Variants in TNFRSF19 observed in about 807,000 individuals in gnomAD.
TNFRSF19 encodes the protein TNF receptor superfamily member 19.
Under a neutral mutation model 46.4 loss-of-function variants are expected in TNFRSF19, and 27 were observed. That is an observed-to-expected ratio of 0.58 (90% CI 0.43 to 0.80). The LOEUF is 0.80. Ranked by LOEUF, TNFRSF19 falls within the 30% of genes least tolerant of loss-of-function variation. The probability of loss-of-function intolerance (pLI) is 0.00; values close to 1 mark genes in which losing one functional copy is unlikely to be tolerated. For missense variants in TNFRSF19, 511 were observed against 530.8 expected, an observed-to-expected ratio of 0.96 and a Z score of 0.37; for synonymous variants, 204 against 205.0, an observed-to-expected ratio of 1.00 and a Z score of 0.04.
At chr13:23,638,828 C>T (rs1186864394) in intron 5 of TNFRSF19, among the ~76,000 whole-genome samples, 1 of 152,168 alleles carries the variant, frequency 6.6e-6, no homozygotes, top group Non-Finnish European at 1.5e-5. Context: ...GGGTTCCTGT[C>T]CCTGGGCTGC....
chr13:23,607,076 G>A (rs571580165), intron 3 of TNFRSF19, among the ~76,000 whole-genome samples: 6 of 152,116 alleles, frequency 3.9e-5, no homozygotes, highest in African/African-American at 7.2e-5. Flanking sequence ...CTAAGACTAA[G>A]CTTTAAATTT....
chr13:23,661,917 T>C (rs1041639347), intron 7 of TNFRSF19, among the ~76,000 whole-genome samples: 6 of 152,234 alleles, frequency 3.9e-5, no homozygotes, highest in Admixed American at 3.3e-4. Flanking sequence ...TTAAGTTCCT[T>C]ATAGATGCTG....
chr13:23,637,803 C>T (rs1264679849), intron 5 of TNFRSF19, among the ~76,000 whole-genome samples: 1 of 152,266 alleles, frequency 6.6e-6, no homozygotes, highest in South Asian at 2.1e-4. Flanking sequence ...CTCACAGGAT[C>T]AGGGTCCGCA....
At chr13:23,637,444 G>T (rs768640726) in intron 5 of TNFRSF19, among the ~76,000 whole-genome samples, 1 of 150,564 alleles carries the variant, frequency 6.6e-6, no homozygotes, top group Non-Finnish European at 1.5e-5. Flanking sequence ...GTCCTGAATC[G>T]ACTTCCTGTT....
intron 5 of TNFRSF19, among the ~76,000 whole-genome samples, chr13:23,630,266 G>A (rs961003993): frequency 7.2e-6 from 1 of 138,704 alleles, no homozygotes; most frequent in Non-Finnish European, 1.5e-5. Flanking sequence ...TTGTGCCACT[G>A]CACTCCAGCC....
chr13:23,657,476 C>CACAT (rs1173514638), intron 5 of TNFRSF19, among the ~76,000 whole-genome samples: 1 of 152,124 alleles, frequency 6.6e-6, no homozygotes, highest in Non-Finnish European at 1.5e-5. Flanking sequence ...AGCCATTAGC[C>CACAT]ACATGTGGCT....
intron 5 of TNFRSF19, among the ~76,000 whole-genome samples, chr13:23,639,900 G>A (rs534504832): frequency 1.3e-5 from 2 of 152,338 alleles, no homozygotes; most frequent in Admixed American, 6.5e-5. Flanking sequence ...AGGACTTATT[G>A]TTGCAGTCAG....
At chr13:23,656,150 T>G (rs1883972349) in intron 5 of TNFRSF19, among the ~76,000 whole-genome samples, 1 of 152,206 alleles carries the variant, frequency 6.6e-6, no homozygotes, top group African/African-American at 2.4e-5. Context: ...ATATTTTTCT[T>G]GTTCATCTTT....
In TNFRSF19 at chr13:23,654,832, C is replaced by T. The variant is rs79621348; in HGVS notation, c.446-4218C>T. Among the ~76,000 whole-genome samples, 1,223 of 152,236 alleles carry T rather than the reference C, an allele frequency of 8.0e-3. 17 individuals are homozygous for T. Among genetic ancestry groups the T allele is most frequent in the African/African-American group, 0.028 (1,149 of 41,534 alleles). ...GTATCAAATGAAGCTCATCAATGAA[C>T]GCTCACCACTTTACCTAGTGAGGAG... On this transcript the variant is annotated intron_variant, in intron 5 of 9. Coordinates refer to ENST00000248484, the MANE Select transcript of TNFRSF19 (RefSeq NM_148957.4).
At chr13:23,631,430 C>T (rs1449919054) in intron 5 of TNFRSF19, among the ~76,000 whole-genome samples, 1 of 152,110 alleles carries the variant, frequency 6.6e-6, no homozygotes, top group Non-Finnish European at 1.5e-5. Context: ...AATGACTTGT[C>T]TGGGTAAAGT....
At chr13:23,625,125 A>G (rs1881911003) in intron 4 of TNFRSF19, among the ~76,000 whole-genome samples, 1 of 152,164 alleles carries the variant, frequency 6.6e-6, no homozygotes, top group African/African-American at 2.4e-5. Flanking sequence ...CCTGCACAAA[A>G]TGGAATTATA....
rs930077081 is a variant in TNFRSF19, at chr13:23,582,494, C to G, written c.-34-7656C>G. Among the ~76,000 whole-genome samples the G allele has an allele frequency of 5.9e-5, 9 of 152,314 alleles. 1 individual carries two copies. The highest frequency in any genetic ancestry group is 6.8e-3 in the Middle Eastern group (2 of 294). Reference sequence around the variant, plus strand: ...ATTGTATACATATATTAAAATATCACTGTCTCCGATAAATATTACAATTAT... The same window carrying G: ...ATTGTATACATATATTAAAATATCAGTGTCTCCGATAAATATTACAATTAT... On this transcript the variant is annotated intron_variant, in intron 1 of 9. Coordinates refer to ENST00000248484, the MANE Select transcript of TNFRSF19 (RefSeq NM_148957.4).
chr13:23,588,576 G>A (rs1033848658), intron 1 of TNFRSF19, among the ~76,000 whole-genome samples: 6 of 152,026 alleles, frequency 3.9e-5, no homozygotes, highest in African/African-American at 1.2e-4. Context: ...CATTATCCCC[G>A]TTTTTTCTTA....
intron 5 of TNFRSF19, among the ~76,000 whole-genome samples, chr13:23,658,150 A>G (rs1422044172): frequency 6.6e-6 from 1 of 152,126 alleles, no homozygotes; most frequent in African/African-American, 2.4e-5. Flanking sequence ...CTCTGATTTA[A>G]ATGAGTTTGT....
At chr13:23,670,188 T>C (rs559614543) in intron 9 of TNFRSF19, among the ~76,000 whole-genome samples, 2 of 152,352 alleles carry the variant, frequency 1.3e-5, no homozygotes, top group South Asian at 2.1e-4. Flanking sequence ...GCAGTACTTG[T>C]TTTTGTTTTT....
intron 9 of TNFRSF19, among the ~76,000 whole-genome samples, chr13:23,671,824 C>G (rs1951766349): frequency 6.6e-6 from 1 of 152,164 alleles, no homozygotes; most frequent in African/African-American, 2.4e-5. Context: ...CGCCGCTGCA[C>G]TCCAGCCTGG....
At chr13:23,607,304 G>A (rs886696646) in intron 3 of TNFRSF19, among the ~76,000 whole-genome samples, 1 of 151,992 alleles carries the variant, frequency 6.6e-6, no homozygotes, top group African/African-American at 2.4e-5. Flanking sequence ...TGTGGTGGTG[G>A]GCGCCTTTAA....
At chr13:23,646,139 C>A (rs572096576) in intron 5 of TNFRSF19, among the ~76,000 whole-genome samples, 2 of 152,086 alleles carry the variant, frequency 1.3e-5, no homozygotes, top group African/African-American at 2.4e-5. Context: ...CAGTGCGGCA[C>A]CCCCCGGCCT....
At chr13:23,604,961 A>G (rs1385288758) in intron 3 of TNFRSF19, among the ~76,000 whole-genome samples, 4 of 152,216 alleles carry the variant, frequency 2.6e-5, no homozygotes, top group Non-Finnish European at 5.9e-5. Context: ...GAAAGAATTA[A>G]TAAGCTAGAC....
Sources: allele counts gnomAD v4.1 joint callset (sites outside exome capture counted in the v4.1 genomes callset), GRCh38; gene constraint gnomAD v4.1.1; transcripts MANE v1.5; gene names NCBI Gene and HGNC (gene_info 2026-07-23, HGNC 2026-07-21).